Variants in CDIP1 observed in about 807,000 individuals in gnomAD.
CDIP1 encodes cell death inducing p53 target 1, also known as cell death-inducing p53-target protein 1.
A neutral mutation model predicts 17.7 loss-of-function variants in CDIP1; 9 were observed. That is an observed-to-expected ratio of 0.51 (90% CI 0.31 to 0.89). CDIP1 has a LOEUF of 0.89. Ranked by LOEUF, CDIP1 falls within the 40% of genes least tolerant of loss-of-function variation. The probability of loss-of-function intolerance (pLI) is 0.05; values close to 1 mark genes in which losing one functional copy is unlikely to be tolerated. For synonymous variants in CDIP1, 117 were observed against 109.5 expected (o/e 1.07, Z -0.43); for missense variants, 263 against 277.9 (o/e 0.95, Z 0.38).
At chr16:4,518,811 C>T (rs920064483) in intron 1 of CDIP1, among the ~76,000 whole-genome samples, 7 of 152,170 alleles carry the variant, frequency 4.6e-5, no homozygotes, top group East Asian at 3.8e-4. Context: ...TCCAATAAAA[C>T]GAGTACTGTT....
intron 1 of CDIP1, among the ~76,000 whole-genome samples, chr16:4,534,741 T>C (rs1161070573): frequency 6.7e-6 from 1 of 149,590 alleles, no homozygotes; most frequent in Non-Finnish European, 1.5e-5. Flanking sequence ...TTTTTTGAGA[T>C]AGAGTCTTGC....
At chr16:4,516,573 C>T (rs938533986) in intron 1 of CDIP1, among the ~76,000 whole-genome samples, 8 of 151,796 alleles carry the variant, frequency 5.3e-5, no homozygotes, top group Admixed American at 4.6e-4. Flanking sequence ...AGGCTGGTCT[C>T]GAACTCCTGG....
chr16:4,522,683 C>G lies in CDIP1; in HGVS notation c.-104-8019G>C, dbSNP rs528248299. Among the ~76,000 whole-genome samples, 15 of 152,352 alleles carry G rather than the reference C, an allele frequency of 9.8e-5. No homozygotes were observed. The South Asian group carries it at 3.1e-3, about 32-fold the overall frequency. ...GAGAATGGCAAGGCCCAAACCAGGT[C>G]TGGAGGAAAAGGCCAAAGCAAGAAG... On this transcript the variant is annotated intron_variant, in intron 1 of 5. Transcript: ENST00000567695.
rs979804149 is a variant in CDIP1, at chr16:4,514,332, C to G, written c.-14-188G>C. Among the ~76,000 whole-genome samples, 6 of 152,216 alleles carry G rather than the reference C, an allele frequency of 3.9e-5. No homozygotes were observed. The highest frequency in any genetic ancestry group is 1.4e-4 in the African/African-American group (6 of 41,458). ...GCCCAGAGCCACCATCCTCACCTCT[C>G]AGTAGTCACCTGCTCTTCCCTGTTT... On this transcript the variant is annotated intron_variant, in intron 2 of 5. Transcript: ENST00000567695. The surrounding 1 kb of genome is among the most constrained non-coding windows in gnomAD (Gnocchi z 5.2).
chr16:4,513,738 T>G lies in CDIP1; in HGVS notation c.199A>C (p.Ile67Leu). Reference sequence around the variant, plus strand: ...CCATCTGCACTCATGTGTGGTGGGATGAAGCCAGGCTGGGGCATTGGGTGA... The same window carrying G: ...CCATCTGCACTCATGTGTGGTGGGAGGAAGCCAGGCTGGGGCATTGGGTGA... ...PGHPMPQPGF[I>L]PPHMSADGTY... Residue 67 changes from isoleucine to leucine, a missense_variant, in exon 4 of 6, where the codon ATC becomes CTC. Coordinates refer to ENST00000567695, the MANE Select transcript of CDIP1 (RefSeq NM_013399.3). This position sits in a 1 kb window ranked among gnomAD's most constrained non-coding sequence, Gnocchi z 4.1. The G allele has an allele frequency of 3.1e-6, 5 of 1,613,612 alleles. No individual in the cohort carries two copies. Among genetic ancestry groups the G allele is most frequent in the Non-Finnish European group, 4.2e-6 (5 of 1,179,762 alleles).
chr16:4,530,082 A>G (rs1172360279), intron 1 of CDIP1, among the ~76,000 whole-genome samples: 1 of 152,240 alleles, frequency 6.6e-6, no homozygotes, highest in Non-Finnish European at 1.5e-5. Flanking sequence ...CAGTGAGGAC[A>G]GTGGCTCATC....
chr16:4,527,951 G>C (rs2059016887), intron 1 of CDIP1, among the ~76,000 whole-genome samples: 1 of 152,092 alleles, frequency 6.6e-6, no homozygotes, highest in Non-Finnish European at 1.5e-5. Context: ...TGAATAACAA[G>C]GATTACACGC....
intron 1 of CDIP1, among the ~76,000 whole-genome samples, chr16:4,516,936 T>C (rs1163491428): frequency 6.6e-6 from 1 of 152,038 alleles, no homozygotes; most frequent in East Asian, 1.9e-4. Context: ...TAAATCCTTT[T>C]AATGCTGTGT....
At chr16:4,534,788 G>A (rs1486340780) in intron 1 of CDIP1, among the ~76,000 whole-genome samples, 6 of 148,924 alleles carry the variant, frequency 4.0e-5, no homozygotes, top group African/African-American at 1.0e-4. Flanking sequence ...GTACAATCTC[G>A]ACTCACTGCA....
At chr16:4,523,662 TAGA>T (rs1239941587) in intron 1 of CDIP1, among the ~76,000 whole-genome samples, 12 of 152,282 alleles carry the variant, frequency 7.9e-5, no homozygotes, top group African/African-American at 2.4e-4. Context: ...CAGGGCACAG[TAGA>T]AGGACAGCAA....
rs974072082 is a variant in CDIP1, at chr16:4,511,817, G to A, written c.*755C>T. On this transcript the variant is annotated 3_prime_UTR_variant, in exon 6 of 6. Transcript: ENST00000567695. ...CTCCTTCCGGCCCCAGCAATACAGG[G>A]TTCACAGAGGCATGGCCTGAAAGGG... 2 of 152,840 alleles carry A rather than the reference G, an allele frequency of 1.3e-5. No individual in the cohort carries two copies. Among genetic ancestry groups the A allele is most frequent in the Non-Finnish European group, 2.9e-5 (2 of 68,600 alleles). The allele number at this position is 152,840 out of a possible 1,614,324, so 9.5% of individuals were successfully genotyped here. A position where few individuals can be genotyped will look rare whatever the true frequency, so the allele number is the denominator to read the frequency against.
rs563535590 is a variant in CDIP1, at chr16:4,529,021, C to T, written c.-105+9681G>A. Reference sequence around the variant, plus strand: ...ATATATATATACTACTCCTCATACTCCTCAATCCAGAAACACACCTCAGAC... The same window carrying T: ...ATATATATATACTACTCCTCATACTTCTCAATCCAGAAACACACCTCAGAC... On this transcript the variant is annotated intron_variant, in intron 1 of 5. Transcript: ENST00000567695. 9.2e-5 allele frequency among the ~76,000 whole-genome samples: 14 copies of T among 152,156 alleles called. No homozygotes were observed. The South Asian group carries it at 2.9e-3, about 32-fold the overall frequency.
At chr16:4,525,004 G>A (rs778171227) in intron 1 of CDIP1, among the ~76,000 whole-genome samples, 2 of 152,124 alleles carry the variant, frequency 1.3e-5, no homozygotes, top group Non-Finnish European at 2.9e-5. Flanking sequence ...GGGAGGCTGA[G>A]GCGGGAGGAT....
intron 1 of CDIP1, among the ~76,000 whole-genome samples, chr16:4,534,209 C>T (rs770607730): frequency 1.5e-4 from 16 of 104,102 alleles, no homozygotes; most frequent in Non-Finnish European, 4.2e-4. Flanking sequence ...CCTCAGCCTC[C>T]CAAAGTGCTG....
intron 1 of CDIP1, among the ~76,000 whole-genome samples, chr16:4,519,988 T>TAA (rs1335475438): frequency 6.6e-6 from 1 of 152,074 alleles, no homozygotes; most frequent in Admixed American, 6.6e-5. Context: ...GCAACACAAA[T>TAA]AGACTAAGAC....
intron 1 of CDIP1, among the ~76,000 whole-genome samples, chr16:4,516,432 TA>T (rs1157143681): frequency 6.6e-6 from 1 of 151,972 alleles, no homozygotes; most frequent in Non-Finnish European, 1.5e-5. Context: ...AACTTATTTT[TA>T]AAAAAAATGA....
rs2058843773 is a variant in CDIP1 at position 4,512,679 on chromosome 16, C to G, written c.520G>C (p.Asp174His). The G allele has an allele frequency of 6.2e-7, 1 of 1,613,254 alleles. No individual in the cohort carries two copies. The change falls in exon 6 of 6, where the codon GAT (aspartate) becomes CAT (histidine). Residue 174 changes from aspartate (D) to histidine (H), a missense_variant. By Grantham distance (81) the Asp-to-His change is moderately conservative. Transcript: ENST00000567695. This position sits in a 1 kb window ranked among gnomAD's most constrained non-coding sequence, Gnocchi z 4.6. ...CAGGGGATCAGGCAGCAGCCCAGATCACATCTGAATCAGAGACAGGGAAGA... is the reference window on the plus strand; with the variant it reads ...CAGGGGATCAGGCAGCAGCCCAGATGACATCTGAATCAGAGACAGGGAAGA... ...LGFFCCFMGC[D>H]LGCCLIPCLI...
At chr16:4,516,759 G>C (rs1176463925) in intron 1 of CDIP1, among the ~76,000 whole-genome samples, 6 of 131,686 alleles carry the variant, frequency 4.6e-5, no homozygotes, top group Admixed American at 4.4e-4. Flanking sequence ...CCAGGCTGGA[G>C]TGCAGTGGCG....
intron 1 of CDIP1, among the ~76,000 whole-genome samples, chr16:4,537,218 A>G (rs113009299): frequency 6.2e-4 from 94 of 152,362 alleles, no homozygotes; most frequent in African/African-American, 2.1e-3. Context: ...TGCTGGTTGG[A>G]CAAATATGTG....
Sources: gnomAD v4.1 joint callset for allele counts (sites outside exome capture counted in the v4.1 genomes callset) on GRCh38, gnomAD v4.1.1 for gene constraint, Gnocchi (gnomAD v3.1) non-coding constraint, MANE v1.5 for transcripts, NCBI Gene and HGNC (gene_info 2026-07-23, HGNC 2026-07-21) for gene names.